Variants in RBBP8NL observed in about 807,000 individuals in gnomAD.
The protein encoded by RBBP8NL is RBBP8 N-terminal like.
In RBBP8NL, 59 loss-of-function variants were observed where a neutral mutation model predicts 62.2. The observed-to-expected ratio is 0.95, with a 90% CI of 0.77 to 1.18. The LOEUF is 1.18. Among genes scored for constraint, RBBP8NL ranks in the 50% most tolerant of loss-of-function variants. The pLI is 0.00. For synonymous variants in RBBP8NL, 412 were observed against 394.1 expected (o/e 1.05, Z -0.54); for missense variants, 896 against 899.5 (o/e 1.00, Z 0.05).
chr20:62,410,958 C>T lies in RBBP8NL; in HGVS notation c.1915G>A (p.Ala639Thr). 6.2e-7 allele frequency: 1 copy of T among 1,613,708 alleles called. No individual in the cohort carries two copies. The highest frequency in any genetic ancestry group is 1.3e-5 in the African/African-American group (1 of 75,072). Reference protein sequence around the residue: ...KPSRGRRKLTATEGPGSPRDA... With the variant: ...KPSRGRRKLTTTEGPGSPRDA... ...CTTGGGCTCCCGGGCCCCTCAGTGGCTGTCAGTTTCCTTCTCCCTCTGGAT... is the reference window on the plus strand; with the variant it reads ...CTTGGGCTCCCGGGCCCCTCAGTGGTTGTCAGTTTCCTTCTCCCTCTGGAT... Residue 639 changes from alanine to threonine, a missense_variant, in exon 14 of 14, where the codon GCC (alanine) becomes ACC (threonine). Coordinates refer to ENST00000252998, the MANE Select transcript of RBBP8NL (RefSeq NM_080833.3).
rs567008338 is a variant in RBBP8NL at position 62,414,089 on chromosome 20, C to A, written c.1262G>T (p.Gly421Val). The change falls in exon 10 of 14, where the codon GGC (glycine) becomes GTC (valine). Residue 421 changes from glycine to valine, a missense_variant. Physicochemically the swap from Gly to Val is moderately radical, Grantham distance 109. Coordinates refer to ENST00000252998, the MANE Select transcript of RBBP8NL (RefSeq NM_080833.3). Reference protein sequence around the residue: ...LSGGRHTQPAGPGRAQRTEAA... With the variant: ...LSGGRHTQPAVPGRAQRTEAA... The stretch of plus-strand genomic sequence containing the variant: ...CTCTGTCCTCTGGGCGCGGCCCGGG[C>A]CTGCAGGCTGTGTGTGCCGCCCTCC... The A allele has an allele frequency of 6.3e-7, 1 of 1,592,522 alleles. No homozygotes were observed. The highest frequency in any genetic ancestry group is 2.3e-5 in the East Asian group (1 of 43,890).
intron 2 of RBBP8NL, 89 bp downstream of exon 2, chr20:62,419,498 G>A (rs2146442895): frequency 7.3e-7 from 1 of 1,376,502 alleles, no homozygotes; most frequent in East Asian, 2.3e-5. Flanking sequence ...AATTGGAGGT[G>A]ATCATGGGTG....
At chr20:62,421,197 C>A (rs1353047888) in intron 1 of RBBP8NL, among the ~76,000 whole-genome samples, 4 of 152,198 alleles carry the variant, frequency 2.6e-5, no homozygotes, top group Admixed American at 2.0e-4. Context: ...TTCACGCGGT[C>A]GGGTGGGGGA....
Position 62,415,879 on chromosome 20 carries a change from G to A in RBBP8NL, c.453C>T (p.Ser151=), listed in dbSNP as rs1040525544. ...SDPPSPLLLP[S]PGGWKAITEK... is the part of the protein sequence containing the mutation. ...CTGTGATGGCCTTCCAGCCACCAGG[G>A]GAGGGGAGCAGCAGGGGTGAGGGGG... is the stretch of plus-strand genomic sequence containing the variant. The change falls in exon 7 of 14, where the codon TCC becomes TCT. Residue 151 remains serine, a synonymous_variant. Transcript: ENST00000252998. The A allele has an allele frequency of 3.7e-6, 6 of 1,609,046 alleles. No individual in the cohort carries two copies. Among genetic ancestry groups the A allele is most frequent in the African/African-American group, 2.7e-5 (2 of 74,780 alleles).
intron 1 of RBBP8NL, among the ~76,000 whole-genome samples, chr20:62,420,197 G>A (rs1280057305): frequency 6.6e-6 from 1 of 152,064 alleles, no homozygotes; most frequent in Non-Finnish European, 1.5e-5. Flanking sequence ...ACCAGTAAGA[G>A]CCCCACAGAC....
In RBBP8NL at chr20:62,415,775, G is replaced by A. The variant is rs115025458; in HGVS notation, c.544+13C>T. 1,494 of 1,611,376 alleles carry A rather than the reference G, an allele frequency of 9.3e-4. 33 individuals carry two copies. In the South Asian group the frequency reaches 0.015, roughly 17 times the overall value. Reference sequence around the variant, plus strand: ...GGGCCCAGCCTCCCAGCCTCACCCGGTCCCCACAGCACCTTCTCCCCGTAG... The same window carrying A: ...GGGCCCAGCCTCCCAGCCTCACCCGATCCCCACAGCACCTTCTCCCCGTAG... On this transcript the variant is annotated intron_variant, in intron 7 of 13. Coordinates refer to ENST00000252998, the MANE Select transcript of RBBP8NL (RefSeq NM_080833.3).
intron 1 of RBBP8NL, among the ~76,000 whole-genome samples, chr20:62,421,476 CAA>C (rs199948602): frequency 0.023 from 3,171 of 138,554 alleles, 95 homozygotes; most frequent in African/African-American, 0.077. Flanking sequence ...TGTGCATGCC[CAA>C]GTCAGTGTGC....
At chr20:62,413,749 G>C (rs557170628) in intron 10 of RBBP8NL, 72 bp downstream of exon 10, 13 of 1,501,034 alleles carry the variant, frequency 8.7e-6, no homozygotes, top group Admixed American at 4.5e-5. Context: ...CCCGAGGTCT[G>C]GGGGGAGGCC....
At chr20:62,423,865 C>A (rs1988755907) in intron 1 of RBBP8NL, among the ~76,000 whole-genome samples, 1 of 152,202 alleles carries the variant, frequency 6.6e-6, no homozygotes, top group South Asian at 2.1e-4. Context: ...TTCACCCAGA[C>A]CCGCACCCGC....
intron 2 of RBBP8NL, 125 bp from the exon 3 acceptor site, chr20:62,418,590 C>G: frequency 1.0e-6 from 1 of 981,476 alleles, no homozygotes. Flanking sequence ...CCTGGGGGAG[C>G]CCTGCCAGGT....
chr20:62,416,738 T>G, intron 5 of RBBP8NL, 22 bp downstream of exon 5: 4 of 1,525,136 alleles, frequency 2.6e-6, no homozygotes, highest in Non-Finnish European at 3.6e-6. Context: ...AGGACCCCGG[T>G]TGTCTGGTGG....
intron 1 of RBBP8NL, among the ~76,000 whole-genome samples, 191 bp downstream of exon 1, chr20:62,427,269 G>A (rs781153368): frequency 4.6e-5 from 7 of 152,324 alleles, no homozygotes; most frequent in Non-Finnish European, 8.8e-5. Flanking sequence ...AGCTCTCTCC[G>A]TTGCTAGGTC....
rs768351962 is a variant in RBBP8NL, at chr20:62,412,641, G to A, written c.1859C>T (p.Ser620Leu). Residue 620 changes from serine to leucine, a missense_variant, in exon 13 of 14, where the codon TCG (serine) becomes TTG (leucine). Ser to Leu is a moderately radical substitution (Grantham distance 145). Transcript: ENST00000252998. The part of the protein sequence containing the change: ...QGPPRKRKRA[S>L]EPGDKASKKP... ...AGCTGTACCTTTGTCCCCAGGCTCC[G>A]AGGCCCGCTTCCTCTTCCGTGGTGG... is the stretch of plus-strand genomic sequence containing the variant. 32 of 1,605,550 alleles carry A rather than the reference G, an allele frequency of 2.0e-5. No homozygotes were observed. The highest frequency in any genetic ancestry group is 1.0e-4 in the Admixed American group (6 of 59,998).
At chr20:62,413,632 T>C (rs1332229655) in intron 10 of RBBP8NL, 87 bp from the exon 11 acceptor site, 1 of 1,459,046 alleles carries the variant, frequency 6.9e-7, no homozygotes, top group Non-Finnish European at 9.1e-7. Flanking sequence ...GGGACCCCTC[T>C]TGAGGCTGCA....
chr20:62,412,675 C>G lies in RBBP8NL; in HGVS notation c.1825G>C (p.Gly609Arg), dbSNP rs541334076. 388 of 1,608,558 alleles carry G rather than the reference C, an allele frequency of 2.4e-4. 5 individuals are homozygous for G. In the South Asian group the frequency reaches 3.3e-3, roughly 14 times the overall value. ...TTCCTCTTCCGTGGTGGACCCTGCC[C>G]GTGCTCCTGGGTGCAGATGCACTCA... is the stretch of plus-strand genomic sequence containing the variant. Reference protein sequence around the residue: ...GPECICTQEHGQGPPRKRKRA... With the variant: ...GPECICTQEHRQGPPRKRKRA... The change falls in exon 13 of 14, where the codon GGG (glycine) becomes CGG (arginine). Residue 609 changes from glycine (G) to arginine (R), a missense_variant. Physicochemically the swap from Gly to Arg is moderately radical, Grantham distance 125. Coordinates refer to ENST00000252998, the MANE Select transcript of RBBP8NL (RefSeq NM_080833.3).
At chr20:62,419,134 G>C (rs1035375433) in intron 2 of RBBP8NL, among the ~76,000 whole-genome samples, 1 of 152,180 alleles carries the variant, frequency 6.6e-6, no homozygotes, top group Non-Finnish European at 1.5e-5. Context: ...TTCTGGATGG[G>C]TCCAGAGAGC....
At chr20:62,411,146 C>T (rs967917242) in intron 13 of RBBP8NL, 150 bp from the exon 14 acceptor site, 20 of 649,884 alleles carry the variant, frequency 3.1e-5, no homozygotes, top group African/African-American at 1.1e-4. Flanking sequence ...CTACAGAAAC[C>T]GGTGCCCAGA....
chr20:62,415,382 A>T (rs1988539068), intron 8 of RBBP8NL, 95 bp from the exon 9 acceptor site: 1 of 1,431,944 alleles, frequency 7.0e-7, no homozygotes, highest in Admixed American at 2.1e-5. Context: ...GGCTGCTCCC[A>T]CTCTGCCCCT....
chr20:62,424,349 C>T (rs564707142), intron 1 of RBBP8NL, among the ~76,000 whole-genome samples: 8 of 152,220 alleles, frequency 5.3e-5, no homozygotes, highest in African/African-American at 1.9e-4. Flanking sequence ...CCACTCTCAC[C>T]CCACCATGCC....
Sources: gnomAD v4.1 joint callset for allele counts (sites outside exome capture counted in the v4.1 genomes callset) on GRCh38, gnomAD v4.1.1 for gene constraint, MANE v1.5 for transcripts, NCBI Gene and HGNC (gene_info 2026-07-23, HGNC 2026-07-21) for gene names.